UTRN: variants seen among roughly 807,000 people sequenced by gnomAD.
UTRN encodes utrophin, also known as dystrophin-related protein 1.
Under a neutral mutation model 463.9 loss-of-function variants are expected in UTRN, and 283 were observed. The observed-to-expected ratio is 0.61, with a 90% CI of 0.55 to 0.67. UTRN has a LOEUF of 0.67. Among genes scored for constraint, UTRN ranks in the 30% least tolerant of loss-of-function variants. The probability of loss-of-function intolerance (pLI) is 0.00; values close to 1 mark genes in which losing one functional copy is unlikely to be tolerated. For missense variants in UTRN, 3,922 were observed against 4,084.3 expected, an observed-to-expected ratio of 0.96 and a Z score of 1.08; for synonymous variants, 1,442 against 1,431.5, an observed-to-expected ratio of 1.01 and a Z score of -0.17.
intron 2 of UTRN, among the ~76,000 whole-genome samples, chr6:144,332,723 TAA>T (rs1324095808): frequency 1.3e-5 from 2 of 152,146 alleles, no homozygotes; most frequent in African/African-American, 4.8e-5. Flanking sequence ...AGTAATTTTG[TAA>T]AGTTATTTAT....
intron 2 of UTRN, among the ~76,000 whole-genome samples, chr6:144,343,363 AACACACACACACACACACACAC>A (rs3061626): frequency 4.4e-5 from 6 of 135,332 alleles, no homozygotes; most frequent in African/African-American, 8.6e-5. Flanking sequence ...GTCTCTACTA[AACACACACACACACACACACAC>A]ACACACACAC....
chr6:144,715,029 T>C (rs1235235330), intron 53 of UTRN, among the ~76,000 whole-genome samples: 1 of 152,200 alleles, frequency 6.6e-6, no homozygotes, highest in East Asian at 1.9e-4. Flanking sequence ...ACCTTCTCTG[T>C]ATTCACTCCT....
chr6:144,375,063 T>C (rs1283979870), intron 2 of UTRN, among the ~76,000 whole-genome samples: 1 of 152,218 alleles, frequency 6.6e-6, no homozygotes, highest in Non-Finnish European at 1.5e-5. Flanking sequence ...GAGTTTTTAC[T>C]TCTTTTGGGC....
At position 144,473,853 on chromosome 6, in the gene UTRN, G is replaced by A. The variant is rs764036663; in HGVS notation, c.3180+20G>A. On this transcript the variant is annotated intron_variant, in intron 24 of 74. Coordinates refer to ENST00000367545, the MANE Select transcript of UTRN (RefSeq NM_007124.3). Reference sequence around the variant, plus strand: ...TGCTCTGTGAGTTCTGCTGATCTGGGGAACTTGTCATAAATAACATTTTGT... The same window carrying A: ...TGCTCTGTGAGTTCTGCTGATCTGGAGAACTTGTCATAAATAACATTTTGT... The A allele has an allele frequency of 5.8e-6, 9 of 1,552,296 alleles. No individual in the cohort carries two copies. Among genetic ancestry groups the A allele is most frequent in the Non-Finnish European group, 7.1e-6 (8 of 1,130,898 alleles).
At chr6:144,614,291 A>T (rs141684092) in intron 51 of UTRN, among the ~76,000 whole-genome samples, 11 of 152,258 alleles carry the variant, frequency 7.2e-5, no homozygotes, top group African/African-American at 2.2e-4. Context: ...AGCATGGAGA[A>T]AAGATCCAGC....
chr6:144,779,949 A>G (rs990312830), intron 60 of UTRN, among the ~76,000 whole-genome samples: 2 of 88,022 alleles, frequency 2.3e-5, no homozygotes, highest in African/African-American at 1.7e-4. Context: ...TTATCTCTTT[A>G]AAAAAAAAAA....
chr6:144,657,250 C>CAAAAAAAA (rs11400052), intron 51 of UTRN, among the ~76,000 whole-genome samples: 2 of 68,860 alleles, frequency 2.9e-5, no homozygotes, highest in East Asian at 3.7e-4. Context: ...AACTCCATCT[C>CAAAAAAAA]AAAAAAAAAA....
At chr6:144,633,463 ACGT>A (rs1776762317) in intron 51 of UTRN, among the ~76,000 whole-genome samples, 1 of 151,530 alleles carries the variant, frequency 6.6e-6, no homozygotes, top group Non-Finnish European at 1.5e-5. Flanking sequence ...CGATCTCCTG[ACGT>A]CGTGATCCGC....
At chr6:144,406,824 ATGT>A (rs1783463076) in intron 3 of UTRN, among the ~76,000 whole-genome samples, 2 of 152,240 alleles carry the variant, frequency 1.3e-5, no homozygotes, top group African/African-American at 4.8e-5. Flanking sequence ...ATATAGTGTG[ATGT>A]TTTGGTCTTA....
Position 144,581,464 on chromosome 6 carries a change from G to A in UTRN, c.7479+4176G>A, listed in dbSNP as rs574067365. ...CTGGTTTTGCTCTCTAATAATTTAC[G>A]TTTTAGGATTATTACACTTTTATCT... On this transcript the variant is annotated intron_variant, in intron 51 of 74. Coordinates refer to ENST00000367545, the MANE Select transcript of UTRN (RefSeq NM_007124.3). Among the ~76,000 whole-genome samples the A allele has an allele frequency of 7.2e-5, 11 of 152,176 alleles. No homozygotes were observed. The East Asian group carries it at 1.7e-3, about 24-fold the overall frequency.
intron 50 of UTRN, among the ~76,000 whole-genome samples, chr6:144,575,536 T>C (rs1801352944): frequency 6.6e-6 from 1 of 152,178 alleles, no homozygotes; most frequent in Admixed American, 6.6e-5. Flanking sequence ...CAGTTACCTG[T>C]GGTATATACA....
At chr6:144,463,031 A>G (rs542215077) in intron 23 of UTRN, among the ~76,000 whole-genome samples, 165 bp downstream of exon 23, 143 of 152,348 alleles carry the variant, frequency 9.4e-4, no homozygotes, top group African/African-American at 3.3e-3. Flanking sequence ...AATGTGCTAG[A>G]GAGCACATTT....
At chr6:144,467,401 T>G (rs1456353826) in intron 23 of UTRN, among the ~76,000 whole-genome samples, 1 of 152,222 alleles carries the variant, frequency 6.6e-6, no homozygotes, top group Admixed American at 6.5e-5. Context: ...CCACGAGGCA[T>G]GAGCTCTTTG....
chr6:144,774,429 G>GA, intron 60 of UTRN, 65 bp downstream of exon 60: 1 of 1,356,448 alleles, frequency 7.4e-7, no homozygotes, highest in South Asian at 1.4e-5. Context: ...TTTCCAAGAG[G>GA]AAGATAAATG....
At chr6:144,479,575 G>A (rs1005644383) in intron 25 of UTRN, among the ~76,000 whole-genome samples, 3 of 152,110 alleles carry the variant, frequency 2.0e-5, no homozygotes, top group Admixed American at 2.0e-4. Context: ...AATTATAATA[G>A]CTATTTCGAG....
At chr6:144,621,077 C>T (rs1312129373) in intron 51 of UTRN, among the ~76,000 whole-genome samples, 1 of 152,064 alleles carries the variant, frequency 6.6e-6, no homozygotes, top group Non-Finnish European at 1.5e-5. Flanking sequence ...CCTCTTTGGG[C>T]CCCAGTCTCT....
intron 2 of UTRN, among the ~76,000 whole-genome samples, chr6:144,310,739 C>T (rs1806186393): frequency 6.6e-6 from 1 of 152,184 alleles, no homozygotes; most frequent in South Asian, 2.1e-4. Context: ...GATCGTGCTA[C>T]TGCACGCCAG....
At chr6:144,469,393 G>A (rs375513031) in intron 23 of UTRN, among the ~76,000 whole-genome samples, 43 of 152,298 alleles carry the variant, frequency 2.8e-4, no homozygotes, top group African/African-American at 9.4e-4. Flanking sequence ...CTATGTGGGA[G>A]TCTCTGTTTT....
intron 61 of UTRN, among the ~76,000 whole-genome samples, chr6:144,785,934 T>C (rs913058127): frequency 7.2e-5 from 11 of 152,236 alleles, no homozygotes; most frequent in Non-Finnish European, 1.5e-5. Context: ...TATAAAGCAA[T>C]AGTCTGTAGT....
Sources: allele counts gnomAD v4.1 joint callset (sites outside exome capture counted in the v4.1 genomes callset), GRCh38; gene constraint gnomAD v4.1.1; transcripts MANE v1.5; gene names NCBI Gene and HGNC (gene_info 2026-07-23, HGNC 2026-07-21).